The following PRUNE2 variants were observed in gnomAD, a reference collection of about 807,000 sequenced individuals.
PRUNE2 encodes prune homolog 2 with BCH domain.
A neutral mutation model predicts 252.0 loss-of-function variants in PRUNE2; 164 were observed. The ratio of observed to expected loss-of-function variants is 0.65; its 90% CI spans 0.57 to 0.74. PRUNE2 has a LOEUF of 0.74. PRUNE2 is among the 30% of genes least tolerant of loss of function. PRUNE2 has a pLI of 0.00. For synonymous variants in PRUNE2, 1,292 were observed against 1,350.2 expected, an observed-to-expected ratio of 0.96 and a Z score of 0.94; for missense variants, 3,495 against 3,711.0, an observed-to-expected ratio of 0.94 and a Z score of 1.51.
At chr9:76,677,105 T>C (rs796945179) in intron 9 of PRUNE2, among the ~76,000 whole-genome samples, 12 of 152,376 alleles carry the variant, frequency 7.9e-5, no homozygotes, top group African/African-American at 2.9e-4. Context: ...TTGATTTAAA[T>C]GTATCTAATT....
chr9:76,732,302 G>A (rs2048694912), intron 6 of PRUNE2, among the ~76,000 whole-genome samples: 6 of 152,078 alleles, frequency 3.9e-5, no homozygotes, highest in African/African-American at 9.7e-5. Context: ...GCGAGACTCC[G>A]TCTCAAAAAA....
intron 1 of PRUNE2, among the ~76,000 whole-genome samples, 155 bp from the exon 2 acceptor site, chr9:76,854,363 A>T (rs1210933516): frequency 6.6e-6 from 1 of 152,262 alleles, no homozygotes; most frequent in Non-Finnish European, 1.5e-5. Flanking sequence ...GAACATAAAA[A>T]TTGTACAAAG....
intron 6 of PRUNE2, chr9:76,737,214 T>C (rs181790064): frequency 6.6e-6 from 1 of 152,328 alleles, no homozygotes; most frequent in East Asian, 1.9e-4. Flanking sequence ...TTAGAGTCTA[T>C]TTATTAGTAA....
At chr9:76,884,959 C>T (rs1034717428) in intron 1 of PRUNE2, among the ~76,000 whole-genome samples, 8 of 152,294 alleles carry the variant, frequency 5.3e-5, no homozygotes, top group African/African-American at 1.9e-4. Context: ...GCCACAGGGA[C>T]AATTTGGAAC....
intron 6 of PRUNE2, among the ~76,000 whole-genome samples, chr9:76,741,639 A>G (rs2049629655): frequency 6.6e-6 from 1 of 152,176 alleles, no homozygotes; most frequent in African/African-American, 2.4e-5. Flanking sequence ...CCTGCTTACC[A>G]TCAAACGCCT....
chr9:76,721,957 A>G (rs2047677806), intron 6 of PRUNE2, among the ~76,000 whole-genome samples: 1 of 152,242 alleles, frequency 6.6e-6, no homozygotes, highest in African/African-American at 2.4e-5. Context: ...CACCACATGC[A>G]TAAATTAAGA....
intron 1 of PRUNE2, among the ~76,000 whole-genome samples, chr9:76,859,941 T>A (rs569676335): frequency 6.6e-6 from 1 of 152,246 alleles, no homozygotes; most frequent in South Asian, 2.1e-4. Flanking sequence ...CCTCAGGCAA[T>A]CCACCTGCCT....
chr9:76,837,909 C>T (rs1410134464), intron 4 of PRUNE2, among the ~76,000 whole-genome samples: 4 of 151,064 alleles, frequency 2.6e-5, no homozygotes, highest in Non-Finnish European at 5.9e-5. Context: ...GTAGCTGGGA[C>T]TACAGGCGCC....
intron 6 of PRUNE2, among the ~76,000 whole-genome samples, chr9:76,778,073 A>C (rs146198409): frequency 1.3e-4 from 20 of 152,346 alleles, no homozygotes; most frequent in African/African-American, 4.3e-4. Flanking sequence ...GCTGCACATT[A>C]GATTTATTCT....
At chr9:76,722,669 G>A (rs2047748874) in intron 6 of PRUNE2, among the ~76,000 whole-genome samples, 1 of 152,134 alleles carries the variant, frequency 6.6e-6, no homozygotes, top group South Asian at 2.1e-4. Context: ...GCTCTGTTAA[G>A]TACTTTGCAT....
chr9:76,709,545 C>T lies in PRUNE2; in HGVS notation c.2729G>A (p.Gly910Asp), dbSNP rs1350127388. Residue 910 changes from glycine (G) to aspartate (D), a missense_variant, in exon 8 of 19, where the codon GGC (glycine) becomes GAC (aspartate). Gly to Asp is a moderately conservative substitution (Grantham distance 94, BLOSUM62 -1). Transcript: ENST00000376718. Reference protein sequence around the residue: ...QNGLVDPKTRGKVYEKVDSWN... With the variant: ...QNGLVDPKTRDKVYEKVDSWN... The stretch of plus-strand genomic sequence containing the variant: ...GGAATCTACCTTTTCATATACCTTG[C>T]CCCTAGTTTTAGGATCCACTAAACC... The T allele has an allele frequency of 6.2e-7, 1 of 1,613,978 alleles. No individual in the cohort carries two copies. Among genetic ancestry groups the T allele is most frequent in the Admixed American group, 1.7e-5 (1 of 60,026 alleles).
chr9:76,803,965 G>T (rs990359819), intron 6 of PRUNE2, among the ~76,000 whole-genome samples: 2 of 151,966 alleles, frequency 1.3e-5, no homozygotes, highest in Admixed American at 6.6e-5. Context: ...ATTTCCTAGC[G>T]CTTGGGAAGC....
Position 76,742,017 on chromosome 9 carries a change from T to C in PRUNE2, c.757-28296A>G, listed in dbSNP as rs368984795. Among the ~76,000 whole-genome samples, 61 of 152,324 alleles carry C rather than the reference T, an allele frequency of 4.0e-4. 1 individual carries two copies. Among genetic ancestry groups the C allele is most frequent in the Middle Eastern group, 6.8e-3 (2 of 294 alleles). On this transcript the variant is annotated intron_variant, in intron 6 of 18. Coordinates refer to ENST00000376718, the MANE Select transcript of PRUNE2 (RefSeq NM_015225.3). Reference sequence around the variant, plus strand: ...TGGTATACATCTGAAGAAAGAATGCTAGAATTAAATTTCAGATGAATTAGA... The same window carrying C: ...TGGTATACATCTGAAGAAAGAATGCCAGAATTAAATTTCAGATGAATTAGA...
intron 4 of PRUNE2, among the ~76,000 whole-genome samples, chr9:76,833,122 G>A (rs2058755923): frequency 1.3e-5 from 2 of 152,030 alleles, no homozygotes; most frequent in Non-Finnish European, 2.9e-5. Flanking sequence ...TAAAGACAAT[G>A]GAATTATATC....
At chr9:76,781,524 T>A (rs894411048) in intron 6 of PRUNE2, among the ~76,000 whole-genome samples, 1 of 152,250 alleles carries the variant, frequency 6.6e-6, no homozygotes, top group African/African-American at 2.4e-5. Context: ...TTTATAAACT[T>A]AAAAATTACT....
chr9:76,704,864 C>G lies in PRUNE2; in HGVS notation c.7410G>C (p.Pro2470=), dbSNP rs114028146. Residue 2470 remains proline, a synonymous_variant, in exon 8 of 19, where the codon CCG becomes CCC. Coordinates refer to ENST00000376718, the MANE Select transcript of PRUNE2 (RefSeq NM_015225.3). ...IREDPESVYL[P]VGAGSNILSP... ...ACAAAATGTTGGAGCCTGCTCCTAC[C>G]GGCAAATAAACGGACTCAGGGTCTT... The G allele has an allele frequency of 1.5e-5, 24 of 1,604,000 alleles. No homozygotes were observed. The highest frequency in any genetic ancestry group is 9.0e-5 in the South Asian group (8 of 89,372).
At chr9:76,810,331 T>C (rs1339048505) in intron 6 of PRUNE2, among the ~76,000 whole-genome samples, 2 of 152,178 alleles carry the variant, frequency 1.3e-5, no homozygotes, top group African/African-American at 4.8e-5. Flanking sequence ...ATGTAAGGTA[T>C]ATACACTCAA....
chr9:76,618,676 A>G (rs529389671), intron 18 of PRUNE2, among the ~76,000 whole-genome samples: 2 of 152,338 alleles, frequency 1.3e-5, no homozygotes, highest in East Asian at 3.9e-4. Flanking sequence ...CCAAGGTCCA[A>G]ATTCCAGCTC....
At chr9:76,899,635 C>G (rs919357369) in intron 1 of PRUNE2, among the ~76,000 whole-genome samples, 1 of 152,104 alleles carries the variant, frequency 6.6e-6, no homozygotes, top group African/African-American at 2.4e-5. Flanking sequence ...GCACCAGAAC[C>G]GGGAGATACA....
Sources: allele counts gnomAD v4.1 joint callset (sites outside exome capture counted in the v4.1 genomes callset), GRCh38; gene constraint gnomAD v4.1.1; transcripts MANE v1.5; gene names NCBI Gene and HGNC (gene_info 2026-07-23, HGNC 2026-07-21).